Variants in PID1 observed in about 807,000 individuals in gnomAD.
PID1 encodes the protein phosphotyrosine interaction domain containing 1, also known as PTB-containing, cubilin and LRP1-interacting protein.
PID1 carries 10 observed loss-of-function variants against 19.1 expected under a neutral mutation model. The ratio of observed to expected loss-of-function variants is 0.52; its 90% CI spans 0.32 to 0.89. PID1 has a LOEUF of 0.89. Among genes scored for constraint, PID1 ranks in the 40% least tolerant of loss-of-function variants. PID1 has a pLI of 0.03. For missense variants in PID1, 248 were observed against 285.3 expected (o/e 0.87, Z 0.94); for synonymous variants, 130 against 116.0 (o/e 1.12, Z -0.78).
chr2:229,097,191 T>C (rs1694988560), intron 2 of PID1, among the ~76,000 whole-genome samples: 1 of 152,202 alleles, frequency 6.6e-6, no homozygotes, highest in Non-Finnish European at 1.5e-5. Flanking sequence ...ACAAGTGTCT[T>C]ACTGTAAACT....
chr2:229,140,855 G>A (rs907412434), intron 2 of PID1, among the ~76,000 whole-genome samples: 2 of 152,014 alleles, frequency 1.3e-5, no homozygotes, highest in Non-Finnish European at 2.9e-5. Context: ...TTTAGCCTAT[G>A]TATTAATACA....
chr2:229,199,745 T>TATAC lies in PID1; in HGVS notation c.31-43782_31-43781insGTAT, dbSNP rs1491155550. On this transcript the variant is annotated intron_variant, in intron 1 of 2. Transcript: ENST00000392055. ...TTATATATATATATATATATATATATACACATACACACACACACACACATA... is the reference window on the plus strand; with the variant it reads ...TTATATATATATATATATATATATATATACACACATACACACACACACACACATA... Among the ~76,000 whole-genome samples, 333 of 122,516 alleles carry TATAC rather than the reference T, an allele frequency of 2.7e-3. 1 individual carries two copies. Among genetic ancestry groups the TATAC allele is most frequent in the African/African-American group, 8.8e-3 (306 of 34,620 alleles). 80.4% of individuals were successfully genotyped at this position (122,516 alleles called of 152,430 possible).
At chr2:229,159,905 A>G (rs1332446178) in intron 1 of PID1, among the ~76,000 whole-genome samples, 1 of 152,038 alleles carries the variant, frequency 6.6e-6, no homozygotes, top group Non-Finnish European at 1.5e-5. Context: ...CCAACAGGGG[A>G]CAGTGGTCTG....
chr2:229,153,504 C>T (rs994788324), intron 2 of PID1, among the ~76,000 whole-genome samples: 2 of 152,108 alleles, frequency 1.3e-5, no homozygotes, highest in Non-Finnish European at 2.9e-5. Flanking sequence ...AAATCATTGT[C>T]GATTTCCTTT....
At position 229,025,190 on chromosome 2, in the gene PID1, C is replaced by T. The variant is rs974095705; in HGVS notation, c.*442G>A. 8.6e-5 allele frequency: 14 copies of T among 163,100 alleles called. No individual in the cohort carries two copies. The highest frequency in any genetic ancestry group is 2.6e-4 in the African/African-American group (11 of 41,554). 10.1% of individuals were successfully genotyped at this position (163,100 alleles called of 1,614,324 possible). A position where few individuals can be genotyped will look rare whatever the true frequency, so the allele number is the denominator to read the frequency against. On this transcript the variant is annotated 3_prime_UTR_variant, in exon 3 of 3. Transcript: ENST00000392055. Reference sequence around the variant, plus strand: ...CTCCCGAGATGTTCCTTCCTCCCTGCGGCCAGCGTCCCCATCAGCACCCTG... The same window carrying T: ...CTCCCGAGATGTTCCTTCCTCCCTGTGGCCAGCGTCCCCATCAGCACCCTG...
At position 229,121,016 on chromosome 2, in the gene PID1, G is replaced by A. The variant is rs186145298; in HGVS notation, c.177+34802C>T. On this transcript the variant is annotated intron_variant, in intron 2 of 2. Coordinates refer to ENST00000392055, the MANE Select transcript of PID1 (RefSeq NM_001100818.2). ...AGCCAAACAGGTGTCAGCATCATGC[G>A]CATTGAACTTCCCAGCATGAAGAAC... Among the ~76,000 whole-genome samples the A allele has an allele frequency of 3.4e-4, 51 of 152,156 alleles. 1 individual carries two copies. In the South Asian group the frequency reaches 9.6e-3, roughly 29 times the overall value.
At position 229,026,028 on chromosome 2, in the gene PID1, C is replaced by A; in HGVS notation, c.258G>T (p.Trp86Cys). 6.2e-7 allele frequency: 1 copy of A among 1,614,188 alleles called. No individual in the cohort carries two copies. Among genetic ancestry groups the A allele is most frequent in the South Asian group, 1.1e-5 (1 of 91,084 alleles). Reference protein sequence around the residue: ...GCTEKPVIELWKKHTLAREDV... With the variant: ...GCTEKPVIELCKKHTLAREDV... ...CCTCTCGGGCTAGCGTGTGCTTCTT[C>A]CAGAGCTCAATGACTGGCTTTTCTG... The change falls in exon 3 of 3, where the codon TGG (tryptophan) becomes TGT (cysteine). Residue 86 changes from tryptophan (W) to cysteine (C), a missense_variant. Physicochemically the swap from Trp to Cys is radical, Grantham distance 215. Transcript: ENST00000392055.
At chr2:229,263,992 C>T (rs1405301995) in intron 1 of PID1, among the ~76,000 whole-genome samples, 1 of 152,170 alleles carries the variant, frequency 6.6e-6, no homozygotes, top group Non-Finnish European at 1.5e-5. Flanking sequence ...TTTCTCCATA[C>T]TTGGAAATGA....
chr2:229,240,878 G>C (rs1382053134), intron 1 of PID1, among the ~76,000 whole-genome samples: 3 of 152,090 alleles, frequency 2.0e-5, no homozygotes, highest in East Asian at 1.9e-4. Context: ...GTCCCATATG[G>C]GGCTCTGTTA....
chr2:229,164,104 C>T (rs1419955), intron 1 of PID1, among the ~76,000 whole-genome samples: 152,292 of 152,298 alleles, frequency 1, 76,143 homozygotes, highest in Non-Finnish European at 1. Flanking sequence ...TCCTCTGCAA[C>T]TGGCCATGGT....
At chr2:229,225,172 C>A (rs1692051600) in intron 1 of PID1, among the ~76,000 whole-genome samples, 1 of 152,136 alleles carries the variant, frequency 6.6e-6, no homozygotes, top group African/African-American at 2.4e-5. Flanking sequence ...TGATGATTAA[C>A]CAGCAGCTAG....
intron 2 of PID1, among the ~76,000 whole-genome samples, chr2:229,135,393 T>A (rs982206097): frequency 1.3e-5 from 2 of 152,136 alleles, no homozygotes; most frequent in Non-Finnish European, 2.9e-5. Context: ...GCCAAACTCA[T>A]GAGGCCATAA....
intron 2 of PID1, among the ~76,000 whole-genome samples, chr2:229,041,836 C>A (rs1574577859): frequency 6.6e-6 from 1 of 152,028 alleles, no homozygotes; most frequent in East Asian, 1.9e-4. Context: ...ATTGCTTAAA[C>A]TTCCAAAGTA....
intron 1 of PID1, among the ~76,000 whole-genome samples, chr2:229,235,360 G>T (rs915492743): frequency 6.6e-6 from 1 of 152,192 alleles, no homozygotes; most frequent in African/African-American, 2.4e-5. Context: ...ACTCAAGGGA[G>T]CAAAACAGCA....
chr2:229,072,522 A>T (rs1237588603), intron 2 of PID1, among the ~76,000 whole-genome samples: 1 of 151,846 alleles, frequency 6.6e-6, no homozygotes, highest in Non-Finnish European at 1.5e-5. Context: ...CGGGAAGTGG[A>T]GGTTGCAGTG....
At chr2:229,166,079 C>T (rs1690591590) in intron 1 of PID1, among the ~76,000 whole-genome samples, 1 of 152,170 alleles carries the variant, frequency 6.6e-6, no homozygotes, top group African/African-American at 2.4e-5. Context: ...AAATGTTTCT[C>T]ATCAAGCGAA....
chr2:229,064,091 T>C (rs1019119503), intron 2 of PID1, among the ~76,000 whole-genome samples: 12 of 152,124 alleles, frequency 7.9e-5, no homozygotes, highest in African/African-American at 2.4e-4. Flanking sequence ...AGTCACCTAA[T>C]TGTTCAGCCA....
At chr2:229,077,075 T>G (rs960515688) in intron 2 of PID1, among the ~76,000 whole-genome samples, 2 of 152,210 alleles carry the variant, frequency 1.3e-5, no homozygotes, top group African/African-American at 4.8e-5. Context: ...CTGACTTTAA[T>G]GACCGCTATT....
At chr2:229,130,665 C>T (rs969640157) in intron 2 of PID1, among the ~76,000 whole-genome samples, 1 of 152,142 alleles carries the variant, frequency 6.6e-6, no homozygotes, top group African/African-American at 2.4e-5. Context: ...CCCCACTAGA[C>T]TGTGTTCCTG....
Sources: allele counts gnomAD v4.1 joint callset (sites outside exome capture counted in the v4.1 genomes callset), GRCh38; gene constraint gnomAD v4.1.1; transcripts MANE v1.5; gene names NCBI Gene and HGNC (gene_info 2026-07-23, HGNC 2026-07-21).